Variants in RPL37A observed in about 807,000 individuals in gnomAD.
RPL37A encodes the protein ribosomal protein L37a.
In RPL37A, 5 loss-of-function variants were observed where a neutral mutation model predicts 13.6. The ratio of observed to expected loss-of-function variants is 0.37; its 90% CI spans 0.19 to 0.78. The LOEUF is 0.78. Among genes scored for constraint, RPL37A ranks in the 30% least tolerant of loss-of-function variants. The pLI, the probability that RPL37A is intolerant of heterozygous loss-of-function variation, is 0.49. For synonymous variants in RPL37A, 50 were observed against 44.4 expected, an observed-to-expected ratio of 1.13 and a Z score of -0.50; for missense variants, 77 against 120.0, an observed-to-expected ratio of 0.64 and a Z score of 1.67.
In RPL37A at chr2:216,503,173, A is replaced by G. The variant is rs1223693925; in HGVS notation, c.*1769A>G. 2 of 152,176 alleles carry G rather than the reference A, an allele frequency of 1.3e-5. No homozygotes were observed. The highest frequency in any genetic ancestry group is 6.5e-5 in the Admixed American group (1 of 15,276). 9.4% of individuals were successfully genotyped at this position (152,176 alleles called of 1,614,324 possible). On this transcript the variant is annotated 3_prime_UTR_variant, in exon 4 of 4. Transcript: ENST00000491306. ...AAGCATAGGGAATTGAATGAGCATT[A>G]GATGGTCTAATGCTGCGGTTAAGAA...
chr2:216,503,348 A>G lies in RPL37A; in HGVS notation c.*1944A>G, dbSNP rs1405431869. The G allele has an allele frequency of 2.0e-5, 3 of 152,202 alleles. No homozygotes were observed. The highest frequency in any genetic ancestry group is 2.9e-5 in the Non-Finnish European group (2 of 68,034). 9.4% of individuals were successfully genotyped at this position (152,202 alleles called of 1,614,324 possible). ...TAATTTGGAGTCTTACAAAGCTGCTATGTTACATGATTAGGCATGGAAAAC... is the reference window on the plus strand; with the variant it reads ...TAATTTGGAGTCTTACAAAGCTGCTGTGTTACATGATTAGGCATGGAAAAC... On this transcript the variant is annotated 3_prime_UTR_variant, in exon 4 of 4. Transcript: ENST00000491306.
chr2:216,502,770 A>C lies in RPL37A; in HGVS notation c.*1366A>C, dbSNP rs2106111585. The C allele has an allele frequency of 6.6e-6, 1 of 152,166 alleles. No individual in the cohort carries two copies. Among genetic ancestry groups the C allele is most frequent in the Non-Finnish European group, 1.5e-5 (1 of 67,974 alleles). 9.4% of individuals were successfully genotyped at this position (152,166 alleles called of 1,614,324 possible). ...ACTTCATCTTTAGGACAGAGTAAAAACCTTTATTTCACTTGGTCTGACCCC... is the reference window on the plus strand; with the variant it reads ...ACTTCATCTTTAGGACAGAGTAAAACCCTTTATTTCACTTGGTCTGACCCC... On this transcript the variant is annotated 3_prime_UTR_variant, in exon 4 of 4. Coordinates refer to ENST00000491306, the MANE Select transcript of RPL37A (RefSeq NM_000998.5).
At position 216,502,461 on chromosome 2, in the gene RPL37A, G is replaced by A. The variant is rs146478462; in HGVS notation, c.*1057G>A. ...TAATTTCACATTAAATGTTGCAAAC[G>A]TCTGCAATTCTCCAGTTTTTAGTTT... On this transcript the variant is annotated 3_prime_UTR_variant, in exon 4 of 4. Transcript: ENST00000491306. 1.3e-5 allele frequency: 2 copies of A among 152,200 alleles called. No homozygotes were observed. The highest frequency in any genetic ancestry group is 4.8e-5 in the African/African-American group (2 of 41,446). 9.4% of individuals were successfully genotyped at this position (152,200 alleles called of 1,614,324 possible).
In RPL37A at chr2:216,502,440, T is replaced by C. The variant is rs1294101705; in HGVS notation, c.*1036T>C. ...CTTCAGGAAACAGTATGAAACTAAT[T>C]TCACATTAAATGTTGCAAACGTCTG... On this transcript the variant is annotated 3_prime_UTR_variant, in exon 4 of 4. Coordinates refer to ENST00000491306, the MANE Select transcript of RPL37A (RefSeq NM_000998.5). 6.6e-6 allele frequency: 1 copy of C among 152,262 alleles called. No individual in the cohort carries two copies. Among genetic ancestry groups the C allele is most frequent in the Non-Finnish European group, 1.5e-5 (1 of 68,044 alleles). 9.4% of individuals were successfully genotyped at this position (152,262 alleles called of 1,614,324 possible).
chr2:216,502,977 T>C lies in RPL37A; in HGVS notation c.*1573T>C, dbSNP rs1695624996. On this transcript the variant is annotated 3_prime_UTR_variant, in exon 4 of 4. Coordinates refer to ENST00000491306, the MANE Select transcript of RPL37A (RefSeq NM_000998.5). ...TGTGGATCTCATTTGTGTCACAAAA[T>C]GGTACTCCTACTGATTTTGTAATGT... 1 of 152,174 alleles carries C rather than the reference T, an allele frequency of 6.6e-6. No individual in the cohort carries two copies. The highest frequency in any genetic ancestry group is 2.4e-5 in the African/African-American group (1 of 41,444). The allele number at this position is 152,174 out of a possible 1,614,324, so 9.4% of individuals were successfully genotyped here. A position where few individuals can be genotyped will look rare whatever the true frequency, so the allele number is the denominator to read the frequency against.
intron 3 of RPL37A, chr2:216,500,418 C>CA (rs1695580086): frequency 7.2e-6 from 2 of 279,536 alleles, no homozygotes; most frequent in South Asian, 7.6e-5. Flanking sequence ...TTGAGGCCAT[C>CA]AGGACCACCA....
intron 1 of RPL37A, 168 bp from the exon 2 acceptor site, chr2:216,499,102 C>T (rs993461485): frequency 2.6e-6 from 3 of 1,151,572 alleles, no homozygotes; most frequent in East Asian, 5.0e-5. Flanking sequence ...TCGGAGCGCG[C>T]GGCCAGCCCT....
In RPL37A at chr2:216,501,477, C is replaced by T. The variant is rs981567765; in HGVS notation, c.*73C>T. ...AATTTATGTAACAAAATTGCCTTGG[C>T]TTGTTAACTTTATTAGACATTCTGA... On this transcript the variant is annotated 3_prime_UTR_variant, in exon 4 of 4. Transcript: ENST00000491306. 9 of 1,045,046 alleles carry T rather than the reference C, an allele frequency of 8.6e-6. 1 individual carries two copies. In the South Asian group the frequency reaches 1.2e-4, roughly 14 times the overall value. The allele number at this position is 1,045,046 out of a possible 1,614,324, so 64.7% of individuals were successfully genotyped here.
In RPL37A at chr2:216,498,878, G is replaced by T. The variant is rs750610716; in HGVS notation, c.3+1G>T. The T allele has an allele frequency of 2.5e-6, 4 of 1,614,080 alleles. No individual in the cohort carries two copies. In the Admixed American group the frequency reaches 5.0e-5, roughly 20 times the overall value. On this transcript the variant is annotated splice_donor_variant, in intron 1 of 3. Transcript: ENST00000491306. LOFTEE classifies it high-confidence loss of function. Reference sequence around the variant, plus strand: ...CTCGGACCTAGGTCGCGGCGACATGGTGAGTGTGGGTCTCTGTGCGGCCTA... The same window carrying T: ...CTCGGACCTAGGTCGCGGCGACATGTTGAGTGTGGGTCTCTGTGCGGCCTA...
At chr2:216,498,989 C>A in intron 1 of RPL37A, 112 bp downstream of exon 1, 1 of 1,476,606 alleles carries the variant, frequency 6.8e-7, no homozygotes, top group African/African-American at 1.4e-5. Flanking sequence ...CTCCTGTCTC[C>A]ATGCCTTTGC....
At position 216,502,131 on chromosome 2, in the gene RPL37A, A is replaced by G. The variant is rs1451637165; in HGVS notation, c.*727A>G. ...TACTTGAGGCCAGGAGATTGAGACC[A>G]GTGTGGCCAACATAGCAAAAACCCG... is the stretch of plus-strand genomic sequence containing the variant. On this transcript the variant is annotated 3_prime_UTR_variant, in exon 4 of 4. Coordinates refer to ENST00000491306, the MANE Select transcript of RPL37A (RefSeq NM_000998.5). 6.6e-6 allele frequency: 1 copy of G among 152,178 alleles called. No homozygotes were observed. The highest frequency in any genetic ancestry group is 1.5e-5 in the Non-Finnish European group (1 of 68,028). The allele number at this position is 152,178 out of a possible 1,614,324, so 9.4% of individuals were successfully genotyped here. A position where few individuals can be genotyped will look rare whatever the true frequency, so the allele number is the denominator to read the frequency against.
intron 3 of RPL37A, chr2:216,500,538 G>C (rs1422103024): frequency 6.1e-6 from 1 of 164,346 alleles, no homozygotes; most frequent in African/African-American, 2.4e-5. Context: ...CTAGCATCTA[G>C]ACCTGTGTTG....
Position 216,499,945 on chromosome 2 carries a change from A to G in RPL37A, c.133-4A>G. Reference sequence around the variant, plus strand: ...TCATAGTGAAAATTGGTTCTCTTTTATAGACCAAGATGAAGAGACGAGCTG... The same window carrying G: ...TCATAGTGAAAATTGGTTCTCTTTTGTAGACCAAGATGAAGAGACGAGCTG... On this transcript the variant is annotated splice_region_variant and splice_polypyrimidine_tract_variant and intron_variant, in intron 2 of 3. Coordinates refer to ENST00000491306, the MANE Select transcript of RPL37A (RefSeq NM_000998.5). 2 of 1,613,122 alleles carry G rather than the reference A, an allele frequency of 1.2e-6. No individual in the cohort carries two copies. The highest frequency in any genetic ancestry group is 1.7e-6 in the Non-Finnish European group (2 of 1,179,250).
chr2:216,501,329 C>T lies in RPL37A; in HGVS notation c.216-12C>T. ...TGCTTAATTATGTTGGAAACTGAAT[C>T]TTTCTTTCCAGTACCACTTCCGCTG... is the stretch of plus-strand genomic sequence containing the variant. On this transcript the variant is annotated splice_polypyrimidine_tract_variant and intron_variant, in intron 3 of 3. Coordinates refer to ENST00000491306, the MANE Select transcript of RPL37A (RefSeq NM_000998.5). 4 of 1,609,382 alleles carry T rather than the reference C, an allele frequency of 2.5e-6. No individual in the cohort carries two copies. The highest frequency in any genetic ancestry group is 2.5e-6 in the Non-Finnish European group (3 of 1,176,624).
In RPL37A at chr2:216,503,328, T is replaced by C. The variant is rs1257868049; in HGVS notation, c.*1924T>C. 6.6e-6 allele frequency: 1 copy of C among 152,230 alleles called. No individual in the cohort carries two copies. Among genetic ancestry groups the C allele is most frequent in the African/African-American group, 2.4e-5 (1 of 41,460 alleles). The allele number at this position is 152,230 out of a possible 1,614,324, so 9.4% of individuals were successfully genotyped here. On this transcript the variant is annotated 3_prime_UTR_variant, in exon 4 of 4. Transcript: ENST00000491306. ...ATGCTGGGTGTTTGGATTATTAATT[T>C]GGAGTCTTACAAAGCTGCTATGTTA...
intron 2 of RPL37A, 97 bp from the exon 3 acceptor site, chr2:216,499,852 A>G (rs757880954): frequency 9.7e-7 from 1 of 1,027,176 alleles, no homozygotes; most frequent in East Asian, 2.4e-5. Context: ...AGGCTTTCAC[A>G]TCCCTGACAA....
At chr2:216,499,838 A>G (rs764542780) in intron 2 of RPL37A, 111 bp from the exon 3 acceptor site, 1 of 913,690 alleles carries the variant, frequency 1.1e-6, no homozygotes, top group African/African-American at 1.6e-5. Flanking sequence ...TGAGGGAGAA[A>G]GGGAGGCTTT....
In RPL37A at chr2:216,503,223, ATAGT is replaced by A. The variant is rs934872613; in HGVS notation, c.*1821_*1824del. Reference sequence around the variant, plus strand: ...ACACCAACTTAGCCAAACTGCCTAGATAGTTGGGTGACTTGGGTTAAGTGACTTA... The same window carrying A: ...ACACCAACTTAGCCAAACTGCCTAGATGGGTGACTTGGGTTAAGTGACTTA... On this transcript the variant is annotated 3_prime_UTR_variant, in exon 4 of 4. Transcript: ENST00000491306. 3.9e-5 allele frequency: 6 copies of A among 152,158 alleles called. No individual in the cohort carries two copies. The highest frequency in any genetic ancestry group is 3.9e-4 in the Admixed American group (6 of 15,274). 9.4% of individuals were successfully genotyped at this position (152,158 alleles called of 1,614,324 possible).
Position 216,500,030 on chromosome 2 carries a change from A to G in RPL37A, c.214A>G (p.Asn72Asp). ...KTVAGGAWTY[N>D]TTSAVTVKSA... The stretch of plus-strand genomic sequence containing the variant: ...AGTGGCTGGCGGTGCCTGGACGTAC[A>G]AGTGAGTCTAGTTCCTTGTGGTATT... The change falls in exon 3 of 4, where the codon AAT (asparagine) becomes GAT (aspartate). Residue 72 changes from asparagine (N) to aspartate (D), a missense_variant and splice_region_variant. Transcript: ENST00000491306. The G allele has an allele frequency of 1.2e-6, 2 of 1,612,462 alleles. No homozygotes were observed. The highest frequency in any genetic ancestry group is 1.7e-6 in the Non-Finnish European group (2 of 1,179,232).
Sources: gnomAD v4.1 joint callset for allele counts on GRCh38, gnomAD v4.1.1 for gene constraint, MANE v1.5 for transcripts, NCBI Gene and HGNC (gene_info 2026-07-23, HGNC 2026-07-21) for gene names.